The following WDPCP variants were observed in gnomAD, a reference collection of about 807,000 sequenced individuals.
WDPCP encodes WD repeat-containing and planar cell polarity effector protein fritz homolog.
A neutral mutation model predicts 93.1 loss-of-function variants in WDPCP; 71 were observed. That is an observed-to-expected ratio of 0.76 (90% CI 0.63 to 0.93). WDPCP has a LOEUF of 0.93. WDPCP is among the 40% of genes least tolerant of loss of function. WDPCP has a pLI of 0.00. For missense variants in WDPCP, 844 were observed against 887.4 expected, an observed-to-expected ratio of 0.95 and a Z score of 0.62; for synonymous variants, 315 against 315.0, an observed-to-expected ratio of 1.00 and a Z score of 0.00.
At chr2:63,529,275 G>A (rs531127959) in intron 1 of WDPCP, among the ~76,000 whole-genome samples, 1 of 152,268 alleles carries the variant, frequency 6.6e-6, no homozygotes, top group South Asian at 2.1e-4. Flanking sequence ...GTGAGAGAGG[G>A]CATCCCTGTC....
chr2:63,657,459 G>A (rs1236516304), intron 2 of WDPCP, among the ~76,000 whole-genome samples: 2 of 152,064 alleles, frequency 1.3e-5, no homozygotes, highest in Non-Finnish European at 2.9e-5. Flanking sequence ...GCCCGCCTCG[G>A]CCTCCCAAAG....
intron 14 of WDPCP, among the ~76,000 whole-genome samples, chr2:63,243,819 A>C (rs1363810127): frequency 6.6e-6 from 1 of 152,142 alleles, no homozygotes; most frequent in Non-Finnish European, 1.5e-5. Flanking sequence ...CAAGGCAGAA[A>C]AGTAACAAAG....
intron 13 of WDPCP, among the ~76,000 whole-genome samples, chr2:63,272,664 C>T (rs1553588282): frequency 6.6e-6 from 1 of 152,006 alleles, no homozygotes; most frequent in Non-Finnish European, 1.5e-5. Context: ...CTGAAGAATT[C>T]AATGAATGAA....
chr2:63,621,820 G>C (rs1006929729), intron 3 of WDPCP, among the ~76,000 whole-genome samples: 28 of 151,984 alleles, frequency 1.8e-4, no homozygotes, highest in African/African-American at 6.7e-4. Context: ...ACTACCAGTG[G>C]ATCTGCTTGC....
chr2:63,705,838 T>G (rs915966740), intron 2 of WDPCP, among the ~76,000 whole-genome samples: 93 of 151,564 alleles, frequency 6.1e-4, no homozygotes, highest in African/African-American at 2.0e-3. Context: ...CTGAGTTCAA[T>G]TCCTGGATAT....
intron 12 of WDPCP, among the ~76,000 whole-genome samples, chr2:63,318,430 G>A (rs1454818496): frequency 6.6e-6 from 1 of 152,074 alleles, no homozygotes; most frequent in African/African-American, 2.4e-5. Flanking sequence ...ATACCCAAAG[G>A]AATATAAATT....
At chr2:63,459,801 C>A (rs1249855403) in intron 6 of WDPCP, among the ~76,000 whole-genome samples, 1 of 151,356 alleles carries the variant, frequency 6.6e-6, no homozygotes, top group African/African-American at 2.4e-5. Context: ...CCTGTAGTCC[C>A]AGCTACTCAG....
intron 1 of WDPCP, among the ~76,000 whole-genome samples, chr2:63,822,187 A>C (rs1209735425): frequency 6.6e-6 from 1 of 152,082 alleles, no homozygotes; most frequent in Non-Finnish European, 1.5e-5. Flanking sequence ...TTTATGTAAC[A>C]ATTTTAAAAT....
intron 17 of WDPCP, among the ~76,000 whole-genome samples, chr2:63,151,075 T>C (rs572006415): frequency 3.9e-5 from 6 of 152,306 alleles, no homozygotes; most frequent in Middle Eastern, 3.4e-3. Flanking sequence ...CATCCTATAC[T>C]TTAGTACACA....
At chr2:63,203,381 C>A (rs544550655) in intron 14 of WDPCP, among the ~76,000 whole-genome samples, 41 of 152,226 alleles carry the variant, frequency 2.7e-4, no homozygotes, top group Middle Eastern at 3.4e-3. Flanking sequence ...AGTCACCCTG[C>A]TGTGCTGTCA....
chr2:63,809,015 G>A (rs1291579584), intron 2 of WDPCP, among the ~76,000 whole-genome samples: 1 of 151,824 alleles, frequency 6.6e-6, no homozygotes, highest in Non-Finnish European at 1.5e-5. Context: ...GATGTGAGGA[G>A]CACCTCTACC....
At chr2:63,382,456 G>GT (rs1441320250) in intron 10 of WDPCP, among the ~76,000 whole-genome samples, 9 of 151,886 alleles carry the variant, frequency 5.9e-5, no homozygotes, top group African/African-American at 2.2e-4. Flanking sequence ...AAAAACCAAG[G>GT]TTTTTTGCTT....
chr2:63,314,566 C>A (rs536079084), intron 12 of WDPCP, among the ~76,000 whole-genome samples: 203 of 152,216 alleles, frequency 1.3e-3, no homozygotes, highest in African/African-American at 4.5e-3. Flanking sequence ...CCCTCTCCTA[C>A]CTTGGCTTGC....
chr2:63,437,772 T>G, intron 7 of WDPCP: 1 of 1,362,030 alleles, frequency 7.3e-7, no homozygotes, highest in Admixed American at 2.3e-5. Context: ...TGTGACTATT[T>G]CAATATACAC....
chr2:63,486,679 G>A, intron 3 of WDPCP, 93 bp from the exon 4 acceptor site: 1 of 1,105,376 alleles, frequency 9.0e-7, no homozygotes, highest in Non-Finnish European at 1.3e-6. Flanking sequence ...ACATGTATAA[G>A]GTATTATTAA....
chr2:63,381,508 A>G (rs902846774), intron 11 of WDPCP, among the ~76,000 whole-genome samples: 1 of 152,088 alleles, frequency 6.6e-6, no homozygotes, highest in African/African-American at 2.4e-5. Context: ...TCGGTGTGAG[A>G]AAAAAATATT....
At chr2:63,387,712 C>T (rs1288605278) in intron 10 of WDPCP, among the ~76,000 whole-genome samples, 3 of 130,024 alleles carry the variant, frequency 2.3e-5, no homozygotes. Context: ...AAATATGATT[C>T]TATACCTGGA....
chr2:63,313,549 A>T (rs911279887), intron 12 of WDPCP, among the ~76,000 whole-genome samples: 1 of 151,972 alleles, frequency 6.6e-6, no homozygotes, highest in African/African-American at 2.4e-5. Flanking sequence ...AATAAACATA[A>T]CCCCAAGTAG....
chr2:63,148,161 C>G (rs1671652733), intron 17 of WDPCP, among the ~76,000 whole-genome samples: 2 of 151,868 alleles, frequency 1.3e-5, no homozygotes, highest in African/African-American at 4.8e-5. Flanking sequence ...ACTGGAGATA[C>G]CAATTAATGT....
Sources: allele counts gnomAD v4.1 joint callset (sites outside exome capture counted in the v4.1 genomes callset), GRCh38; gene constraint gnomAD v4.1.1; transcripts MANE v1.5; gene names NCBI Gene and HGNC (gene_info 2026-07-23, HGNC 2026-07-21).